The following SLC35F3 variants were observed in gnomAD, a reference collection of about 807,000 sequenced individuals.
SLC35F3 encodes solute carrier family 35 member F3.
SLC35F3 carries 25 observed loss-of-function variants against 49.9 expected under a neutral mutation model. The ratio of observed to expected loss-of-function variants is 0.50; its 90% CI spans 0.37 to 0.70. The LOEUF is 0.70. Among genes scored for constraint, SLC35F3 ranks in the 30% least tolerant of loss-of-function variants. The pLI is 0.00. For missense variants in SLC35F3, 525 were observed against 639.8 expected, an observed-to-expected ratio of 0.82 and a Z score of 1.94; for synonymous variants, 275 against 265.4, an observed-to-expected ratio of 1.04 and a Z score of -0.35.
intron 2 of SLC35F3, among the ~76,000 whole-genome samples, chr1:233,984,326 T>A (rs1485032685): frequency 6.6e-6 from 1 of 152,200 alleles, no homozygotes; most frequent in Non-Finnish European, 1.5e-5. Flanking sequence ...TAGGACCAGA[T>A]ATGCACACCG....
chr1:234,006,509 C>CA (rs1663633489), intron 2 of SLC35F3, among the ~76,000 whole-genome samples: 1 of 152,172 alleles, frequency 6.6e-6, no homozygotes. Context: ...TTTTCTCAGT[C>CA]AATAGAATTC....
At chr1:234,000,391 C>T (rs566679926) in intron 2 of SLC35F3, among the ~76,000 whole-genome samples, 25 of 152,266 alleles carry the variant, frequency 1.6e-4, no homozygotes, top group Non-Finnish European at 3.5e-4. Flanking sequence ...CCCAATTTTA[C>T]GCAATGGCAG....
intron 3 of SLC35F3, among the ~76,000 whole-genome samples, chr1:234,286,401 G>A (rs1056683768): frequency 3.9e-5 from 6 of 152,226 alleles, no homozygotes; most frequent in African/African-American, 9.6e-5. Context: ...GGCCAGGGGC[G>A]GGGGCGGGCA....
intron 2 of SLC35F3, among the ~76,000 whole-genome samples, chr1:233,979,667 G>A (rs577933907): frequency 5.9e-5 from 9 of 152,262 alleles, no homozygotes; most frequent in African/African-American, 1.9e-4. Flanking sequence ...TTTCAGCAAC[G>A]GATAGCTGCT....
chr1:233,911,673 A>C (rs1433184448), intron 2 of SLC35F3, among the ~76,000 whole-genome samples: 2 of 152,140 alleles, frequency 1.3e-5, no homozygotes, highest in Non-Finnish European at 2.9e-5. Flanking sequence ...CTTTATTTTC[A>C]TTTGTTCATT....
At chr1:233,967,802 C>G (rs1662926479) in intron 2 of SLC35F3, among the ~76,000 whole-genome samples, 1 of 152,114 alleles carries the variant, frequency 6.6e-6, no homozygotes, top group Non-Finnish European at 1.5e-5. Flanking sequence ...GGTTTAATTG[C>G]TATTGAAAAC....
At chr1:234,206,866 C>T (rs1285988380) in intron 2 of SLC35F3, among the ~76,000 whole-genome samples, 2 of 152,098 alleles carry the variant, frequency 1.3e-5, no homozygotes, top group South Asian at 2.1e-4. Flanking sequence ...CCTGCAGGTC[C>T]CGGCCAGCCT....
intron 2 of SLC35F3, among the ~76,000 whole-genome samples, chr1:234,195,843 A>G (rs1337937645): frequency 1.3e-5 from 2 of 152,106 alleles, no homozygotes; most frequent in African/African-American, 4.8e-5. Flanking sequence ...AAGTCTCACA[A>G]GATCTGATGG....
At chr1:234,147,230 C>CTTTTTTTTTTTTTT (rs201359916) in intron 2 of SLC35F3, among the ~76,000 whole-genome samples, 5 of 125,094 alleles carry the variant, frequency 4.0e-5, no homozygotes, top group African/African-American at 5.9e-5. Flanking sequence ...TTTCTATTTT[C>CTTTTTTTTTTTTTT]TTTTTTTTTT....
At chr1:234,268,819 A>T (rs1024137625) in intron 3 of SLC35F3, 1 of 152,232 alleles carries the variant, frequency 6.6e-6, no homozygotes, top group South Asian at 2.1e-4. Context: ...TCCATGGAGG[A>T]CTCTCTGCAA....
At position 234,147,299 on chromosome 1, in the gene SLC35F3, T is replaced by A. The variant is rs865930381; in HGVS notation, c.284-84118T>A. ...ATTGGTAATTCTTCTCTCCCTCACA[T>A]CTCTTAGCTTTCTTTTATATTTTCT... On this transcript the variant is annotated intron_variant, in intron 2 of 7. Coordinates refer to ENST00000366618, the MANE Select transcript of SLC35F3 (RefSeq NM_173508.4). 2.0e-5 allele frequency among the ~76,000 whole-genome samples: 3 copies of A among 148,632 alleles called. No homozygotes were observed. In the Middle Eastern group the frequency reaches 0.01, roughly 513 times the overall value.
At position 234,088,327 on chromosome 1, in the gene SLC35F3, C is replaced by G. The variant is rs576928010; in HGVS notation, c.284-143090C>G. On this transcript the variant is annotated intron_variant, in intron 2 of 7. Coordinates refer to ENST00000366618, the MANE Select transcript of SLC35F3 (RefSeq NM_173508.4). Reference sequence around the variant, plus strand: ...GGTTCAAGCAATTCTCCTGCCTCAGCCTCCCAAGTAGCTGGGATTACAGGC... The same window carrying G: ...GGTTCAAGCAATTCTCCTGCCTCAGGCTCCCAAGTAGCTGGGATTACAGGC... Among the ~76,000 whole-genome samples, 12 of 152,336 alleles carry G rather than the reference C, an allele frequency of 7.9e-5. No homozygotes were observed. The South Asian group carries it at 2.3e-3, about 29-fold the overall frequency.
chr1:233,973,774 TAATG>T (rs1220185179), intron 2 of SLC35F3, among the ~76,000 whole-genome samples: 1 of 152,222 alleles, frequency 6.6e-6, no homozygotes, highest in Non-Finnish European at 1.5e-5. Context: ...ACCTTAATCT[TAATG>T]AAACTTTTAT....
At chr1:234,135,733 C>T (rs1665800521) in intron 2 of SLC35F3, among the ~76,000 whole-genome samples, 1 of 152,232 alleles carries the variant, frequency 6.6e-6, no homozygotes, top group South Asian at 2.1e-4. Context: ...CATAAGCGCC[C>T]TCTGCCTTGC....
In SLC35F3 at chr1:234,083,333, T is replaced by C. The variant is rs139925325; in HGVS notation, c.284-148084T>C. On this transcript the variant is annotated intron_variant, in intron 2 of 7. Coordinates refer to ENST00000366618, the MANE Select transcript of SLC35F3 (RefSeq NM_173508.4). Reference sequence around the variant, plus strand: ...TGTGGCTGTTTTCTTCTTTAGACTCTTAGATACTGGTTTCGTATCACCTGC... The same window carrying C: ...TGTGGCTGTTTTCTTCTTTAGACTCCTAGATACTGGTTTCGTATCACCTGC... Among the ~76,000 whole-genome samples, 4 of 152,354 alleles carry C rather than the reference T, an allele frequency of 2.6e-5. No individual in the cohort carries two copies. In the East Asian group the frequency reaches 7.7e-4, roughly 29 times the overall value.
intron 2 of SLC35F3, among the ~76,000 whole-genome samples, chr1:233,985,565 C>T (rs749468579): frequency 2.0e-5 from 3 of 152,080 alleles, no homozygotes; most frequent in Admixed American, 6.6e-5. Flanking sequence ...TTCTTGGAGC[C>T]GCTTGAGACC....
rs76313608 is a variant in SLC35F3 at position 234,080,447 on chromosome 1, C to T, written c.284-150970C>T. Among the ~76,000 whole-genome samples, 1,008 of 152,212 alleles carry T rather than the reference C, an allele frequency of 6.6e-3. 11 individuals are homozygous for T. Among genetic ancestry groups the T allele is most frequent in the African/African-American group, 0.023 (961 of 41,514 alleles). On this transcript the variant is annotated intron_variant, in intron 2 of 7. Transcript: ENST00000366618. Reference sequence around the variant, plus strand: ...AAACATGCATATGAATGTTCCTAACCACATTATTCATTATTATAGCTAAAA... The same window carrying T: ...AAACATGCATATGAATGTTCCTAACTACATTATTCATTATTATAGCTAAAA...
chr1:234,324,339 T>G lies in SLC35F3; in HGVS notation c.*1096T>G, dbSNP rs1657703775. The G allele has an allele frequency of 6.6e-6, 1 of 152,222 alleles. No individual in the cohort carries two copies. Among genetic ancestry groups the G allele is most frequent in the Non-Finnish European group, 1.5e-5 (1 of 68,042 alleles). 9.4% of individuals were successfully genotyped at this position (152,222 alleles called of 1,614,324 possible). The stretch of plus-strand genomic sequence containing the variant: ...GAAGTTTACATTGTTACATATGAAA[T>G]GGAAACATTATTTTGAAACGTTGTC... On this transcript the variant is annotated 3_prime_UTR_variant, in exon 8 of 8. Coordinates refer to ENST00000366618, the MANE Select transcript of SLC35F3 (RefSeq NM_173508.4).
chr1:234,174,472 G>A (rs570936411), intron 2 of SLC35F3, among the ~76,000 whole-genome samples: 6 of 152,268 alleles, frequency 3.9e-5, no homozygotes, highest in Admixed American at 2.6e-4. Context: ...ATGCTTATGC[G>A]TCACAGACAC....
Sources: gnomAD v4.1 joint callset for allele counts (sites outside exome capture counted in the v4.1 genomes callset) on GRCh38, gnomAD v4.1.1 for gene constraint, MANE v1.5 for transcripts, NCBI Gene and HGNC (gene_info 2026-07-23, HGNC 2026-07-21) for gene names.